Variants in UGT1A9 observed in about 807,000 individuals in gnomAD.
The protein encoded by UGT1A9 is UDP-glucuronosyltransferase 1A9.
Under a neutral mutation model 45.0 loss-of-function variants are expected in UGT1A9, and 35 were observed. The ratio of observed to expected loss-of-function variants is 0.78; its 90% CI spans 0.59 to 1.03. UGT1A9 has a LOEUF of 1.03. UGT1A9 is among the 50% of genes least tolerant of loss of function. The probability of loss-of-function intolerance (pLI) is 0.00; values close to 1 mark genes in which losing one functional copy is unlikely to be tolerated. For missense variants in UGT1A9, 687 were observed against 666.6 expected (o/e 1.03, Z -0.34); for synonymous variants, 278 against 250.6 (o/e 1.11, Z -1.03).
intron 1 of UGT1A9, among the ~76,000 whole-genome samples, chr2:233,724,141 C>T (rs1432728282): frequency 6.1e-5 from 7 of 115,170 alleles, no homozygotes; most frequent in African/African-American, 2.0e-4. Context: ...CCGGACGGGG[C>T]GGCTGGCCGG....
chr2:233,720,831 G>A (rs1315551380), intron 1 of UGT1A9, among the ~76,000 whole-genome samples: 2 of 150,572 alleles, frequency 1.3e-5, no homozygotes, highest in African/African-American at 2.4e-5. Context: ...TCAGTCTCCT[G>A]AGTAACTGGG....
At position 233,701,798 on chromosome 2, in the gene UGT1A9, A is replaced by T. The variant is rs1186220226; in HGVS notation, c.855+29009A>T. Among the ~76,000 whole-genome samples, 3 of 152,228 alleles carry T rather than the reference A, an allele frequency of 2.0e-5. No homozygotes were observed. In the East Asian group the frequency reaches 5.8e-4, roughly 29 times the overall value. ...ATAAAGGTGTTCTTTGAAATCAACG[A>T]GAACAAAGACACAACATACCAGAAT... On this transcript the variant is annotated intron_variant, in intron 1 of 4. Transcript: ENST00000354728.
At chr2:233,708,402 C>T (rs1242304001) in intron 1 of UGT1A9, 4 of 152,064 alleles carry the variant, frequency 2.6e-5, no homozygotes, top group African/African-American at 9.7e-5. Flanking sequence ...TTACTTTCAT[C>T]AAGTTGTTTC....
intron 1 of UGT1A9, among the ~76,000 whole-genome samples, chr2:233,736,069 T>G (rs1320914506): frequency 6.6e-6 from 1 of 152,194 alleles, no homozygotes; most frequent in Non-Finnish European, 1.5e-5. Flanking sequence ...CTTGCTAGGT[T>G]TGGGAAGTTC....
At chr2:233,685,425 A>G (rs2074738048) in intron 1 of UGT1A9, among the ~76,000 whole-genome samples, 1 of 151,766 alleles carries the variant, frequency 6.6e-6, no homozygotes, top group Non-Finnish European at 1.5e-5. Flanking sequence ...GAATCCAGTT[A>G]TAAAGAATTC....
chr2:233,743,620 G>A (rs1195950260), intron 1 of UGT1A9: 2 of 1,367,320 alleles, frequency 1.5e-6, no homozygotes, highest in Non-Finnish European at 2.0e-6. Flanking sequence ...ACTCCCTGAA[G>A]ACGTCGGCTG....
rs760444509 is a variant in UGT1A9 at position 233,769,505 on chromosome 2, C to G, written c.1295+1066C>G. The G allele has an allele frequency of 8.7e-6, 14 of 1,612,652 alleles. No individual in the cohort carries two copies. In the Admixed American group the frequency reaches 2.3e-4, roughly 27 times the overall value. ...CGTGTGTTTATGAGAGTGTCCATTG[C>G]TTTCTCCCATGGTTACCTCCTTTAG... On this transcript the variant is annotated intron_variant, in intron 4 of 4. Transcript: ENST00000354728. This position sits in a 1 kb window ranked among gnomAD's most constrained non-coding sequence, Gnocchi z 4.4.
chr2:233,688,288 G>A (rs562176649), intron 1 of UGT1A9, among the ~76,000 whole-genome samples: 3 of 152,202 alleles, frequency 2.0e-5, no homozygotes, highest in African/African-American at 4.8e-5. Context: ...TGGATTTACC[G>A]CATTTTTTTT....
chr2:233,716,061 G>C (rs2076485433), intron 1 of UGT1A9, among the ~76,000 whole-genome samples: 1 of 152,170 alleles, frequency 6.6e-6, no homozygotes, highest in Admixed American at 6.5e-5. Context: ...ATTCTTAGTT[G>C]TATTCTTTCC....
chr2:233,728,196 A>G (rs1328126266), intron 1 of UGT1A9, among the ~76,000 whole-genome samples: 1 of 152,202 alleles, frequency 6.6e-6, no homozygotes, highest in East Asian at 1.9e-4. Flanking sequence ...TTGGTGCTGG[A>G]TTGACTTGGA....
At chr2:233,725,070 G>A (rs1181179601) in intron 1 of UGT1A9, among the ~76,000 whole-genome samples, 7 of 145,216 alleles carry the variant, frequency 4.8e-5, no homozygotes, top group East Asian at 2.1e-4. Context: ...GCCTGCAATC[G>A]CAGGCACTCG....
At chr2:233,768,984 TC>T (rs551747473) in intron 4 of UGT1A9, among the ~76,000 whole-genome samples, 141 of 152,252 alleles carry the variant, frequency 9.3e-4, no homozygotes, top group African/African-American at 3.3e-3. Context: ...GAATTTTATT[TC>T]CCCCATTAGA....
chr2:233,727,363 C>T (rs2077609679), intron 1 of UGT1A9, among the ~76,000 whole-genome samples: 1 of 152,076 alleles, frequency 6.6e-6, no homozygotes, highest in Non-Finnish European at 1.5e-5. Flanking sequence ...TCCTTAGGGC[C>T]CCTAGGTCTC....
chr2:233,737,470 C>T (rs544364093), intron 1 of UGT1A9, among the ~76,000 whole-genome samples: 5 of 152,298 alleles, frequency 3.3e-5, no homozygotes, highest in African/African-American at 1.2e-4. Flanking sequence ...GTCATGGCTC[C>T]CCTTGTCTAG....
chr2:233,747,456 A>G (rs1299694493), intron 1 of UGT1A9: 47 of 1,608,814 alleles, frequency 2.9e-5, no homozygotes, highest in Non-Finnish European at 3.7e-5. Context: ...AACCTATGCC[A>G]TTTCATGGAC....
chr2:233,698,310 A>G (rs922049973), intron 1 of UGT1A9, among the ~76,000 whole-genome samples: 1 of 152,222 alleles, frequency 6.6e-6, no homozygotes, highest in Non-Finnish European at 1.5e-5. Flanking sequence ...GGACAGATGG[A>G]AATGTCTGGA....
At chr2:233,736,010 G>A (rs1165111643) in intron 1 of UGT1A9, among the ~76,000 whole-genome samples, 2 of 152,178 alleles carry the variant, frequency 1.3e-5, no homozygotes, top group East Asian at 1.9e-4. Flanking sequence ...TTCTCGAGGA[G>A]TATCTTTGTG....
intron 1 of UGT1A9, chr2:233,760,443 G>A (rs773136953): frequency 2.5e-6 from 4 of 1,614,132 alleles, no homozygotes; most frequent in Non-Finnish European, 1.7e-6. Context: ...AGCTGCAGCA[G>A]AGGGGACATG....
rs779987960 is a variant in UGT1A9, at chr2:233,672,060, G to A, written c.126G>A (p.Arg42=). The change falls in exon 1 of 5, where the codon AGG becomes AGA. Residue 42 remains arginine (R), a synonymous_variant. Transcript: ENST00000354728. ...ATGGGAGCCACTGGTTCACCATGAG[G>A]TCGGTGGTGGAGAAACTCATTCTCA... ...PMDGSHWFTM[R]SVVEKLILRG... The A allele has an allele frequency of 1.9e-5, 30 of 1,614,030 alleles. 1 individual carries two copies. The South Asian group carries it at 2.7e-4, about 15-fold the overall frequency.
Sources: gnomAD v4.1 joint callset for allele counts (sites outside exome capture counted in the v4.1 genomes callset) on GRCh38, gnomAD v4.1.1 for gene constraint, Gnocchi (gnomAD v3.1) non-coding constraint, MANE v1.5 for transcripts, NCBI Gene and HGNC (gene_info 2026-07-23, HGNC 2026-07-21) for gene names.